The following DSE variants were observed in gnomAD, a reference collection of about 807,000 sequenced individuals.
DSE encodes the protein dermatan sulfate epimerase.
A neutral mutation model predicts 84.4 loss-of-function variants in DSE; 36 were observed. That is an observed-to-expected ratio of 0.43 (90% CI 0.33 to 0.56). The LOEUF (loss-of-function observed/expected upper bound fraction) is 0.56, where lower values mean the gene tolerates loss of function less well. DSE is among the 20% of genes least tolerant of loss of function. The pLI is 0.06. For missense variants in DSE, 862 were observed against 1,169.6 expected (o/e 0.74, Z 3.84); for synonymous variants, 410 against 430.1 (o/e 0.95, Z 0.58).
chr6:116,426,611 G>C lies in DSE; in HGVS notation c.454G>C (p.Ala152Pro), dbSNP rs1252746853. The change falls in exon 3 of 6, where the codon GCT becomes CCT. Residue 152 changes from alanine to proline, a missense_variant. By Grantham distance (27) the Ala-to-Pro change is conservative. This residue lies in a region of DSE where 309 missense variants were observed against 516.9 expected (regional missense o/e 0.60). Transcript: ENST00000644252. ...TGCTCCTTGGGATGAGGTCCCGCTTGCTCACTCCCTGGTTGGTTTTGCCAC... is the reference window on the plus strand; with the variant it reads ...TGCTCCTTGGGATGAGGTCCCGCTTCCTCACTCCCTGGTTGGTTTTGCCAC... ...KDAPWDEVPL[A>P]HSLVGFATAY... 1 of 1,613,950 alleles carries C rather than the reference G, an allele frequency of 6.2e-7. No homozygotes were observed. The highest frequency in any genetic ancestry group is 1.7e-5 in the Admixed American group (1 of 60,014).
chr6:116,370,372 G>A (rs1779448643), upstream of DSE: 1 of 766,490 alleles, frequency 1.3e-6, no homozygotes, highest in South Asian at 5.7e-5. Flanking sequence ...TTCTCTATAG[G>A]TGACCCCCGC....
chr6:116,257,514 G>C (rs1772196440), intron 1 of DSE, among the ~76,000 whole-genome samples: 1 of 152,110 alleles, frequency 6.6e-6, no homozygotes, highest in Non-Finnish European at 1.5e-5. Flanking sequence ...TCAGGCTGTT[G>C]TAACAAAATA....
intron 2 of DSE, among the ~76,000 whole-genome samples, chr6:116,362,481 A>AT (rs1243251165): frequency 2.0e-5 from 3 of 152,216 alleles, no homozygotes; most frequent in African/African-American, 7.2e-5. Flanking sequence ...GTGGTGCCTT[A>AT]TAAGAGGGAG....
chr6:116,409,132 A>C (rs922895274), intron 2 of DSE, among the ~76,000 whole-genome samples: 1 of 152,244 alleles, frequency 6.6e-6, no homozygotes, highest in Non-Finnish European at 1.5e-5. Context: ...GAAACAGTAC[A>C]TAGCATAATG....
chr6:116,277,551 C>T (rs1243289601), intron 2 of DSE: 1 of 152,250 alleles, frequency 6.6e-6, no homozygotes, highest in Non-Finnish European at 1.5e-5. Flanking sequence ...AGAGCTCTAG[C>T]ACTCTATTTT....
At position 116,399,358 on chromosome 6, in the gene DSE, C is replaced by T. The variant is rs747393066; in HGVS notation, c.108C>T (p.Thr36=). The change falls in exon 2 of 6, where the codon ACC becomes ACT. Residue 36 remains threonine, a synonymous_variant. Transcript: ENST00000644252. The part of the protein sequence containing the change: ...DENPEVMIPF[T]NANYDSHPML... ...ACCCAGAAGTTATGATTCCCTTCAC[C>T]AATGCCAACTACGACAGCCATCCCA... The T allele has an allele frequency of 6.2e-7, 1 of 1,614,142 alleles. No homozygotes were observed. The highest frequency in any genetic ancestry group is 1.1e-5 in the South Asian group (1 of 91,078).
chr6:116,361,935 CCTT>C (rs1424338187), intron 2 of DSE, among the ~76,000 whole-genome samples: 5 of 152,164 alleles, frequency 3.3e-5, no homozygotes, highest in African/African-American at 1.2e-4. Flanking sequence ...CTATCATCCT[CCTT>C]CTGATGAAAA....
At chr6:116,374,026 A>G (rs1779771765) in intron 1 of DSE, among the ~76,000 whole-genome samples, 2 of 152,230 alleles carry the variant, frequency 1.3e-5, no homozygotes, top group African/African-American at 2.4e-5. Flanking sequence ...CCAAAAGACT[A>G]GCATTTTGTG....
upstream of DSE, chr6:116,370,392 C>A: frequency 1.1e-6 from 1 of 939,392 alleles, no homozygotes; most frequent in Non-Finnish European, 1.3e-6. Flanking sequence ...CCCCAAAGTC[C>A]CCCCTCCCAC....
At chr6:116,325,154 G>T (rs1776545389) in intron 2 of DSE, among the ~76,000 whole-genome samples, 1 of 152,204 alleles carries the variant, frequency 6.6e-6, no homozygotes, top group Non-Finnish European at 1.5e-5. Flanking sequence ...AGACACCAAA[G>T]CCTCCAAACC....
chr6:116,430,705 C>G (rs1235281782), intron 3 of DSE, among the ~76,000 whole-genome samples: 1 of 152,190 alleles, frequency 6.6e-6, no homozygotes, highest in African/African-American at 2.4e-5. Flanking sequence ...CCACACCCGG[C>G]TAATTTTTTG....
chr6:116,348,343 C>T (rs1230808756), intron 2 of DSE, among the ~76,000 whole-genome samples: 2 of 151,792 alleles, frequency 1.3e-5, no homozygotes, highest in Non-Finnish European at 2.9e-5. Flanking sequence ...AAGAGAATGG[C>T]GTGAACCTGG....
chr6:116,379,707 A>G (rs933788540), intron 1 of DSE, among the ~76,000 whole-genome samples: 4 of 152,190 alleles, frequency 2.6e-5, no homozygotes, highest in Non-Finnish European at 4.4e-5. Flanking sequence ...GATATTCACC[A>G]TTAAAATTTT....
rs1387361327 is a variant in DSE at position 116,371,025 on chromosome 6, G to A, written c.-150G>A. On this transcript the variant is annotated 5_prime_UTR_variant, in exon 1 of 6. Transcript: ENST00000644252. Reference sequence around the variant, plus strand: ...GCGCGGAGGGCTCGGTTCGGAGGGGGCCGGGAGCCCGGGCGCCCTGGAGTG... The same window carrying A: ...GCGCGGAGGGCTCGGTTCGGAGGGGACCGGGAGCCCGGGCGCCCTGGAGTG... 1.1e-5 allele frequency: 11 copies of A among 985,670 alleles called. No homozygotes were observed. In the African/African-American group the frequency reaches 1.6e-4, roughly 14 times the overall value. 61.1% of individuals were successfully genotyped at this position (985,670 alleles called of 1,614,324 possible).
chr6:116,413,534 A>T (rs963590421), intron 2 of DSE, among the ~76,000 whole-genome samples: 3 of 152,198 alleles, frequency 2.0e-5, no homozygotes, highest in African/African-American at 7.2e-5. Flanking sequence ...CAGGCCTGTG[A>T]TTAATGATTA....
chr6:116,356,776 G>A (rs1778596639), intron 2 of DSE, among the ~76,000 whole-genome samples: 1 of 152,064 alleles, frequency 6.6e-6, no homozygotes, highest in Non-Finnish European at 1.5e-5. Flanking sequence ...TCCCTCCCGT[G>A]CTGCTTGTCT....
chr6:116,316,826 C>CTGTTATTAT (rs1554211541), intron 2 of DSE, among the ~76,000 whole-genome samples: 1 of 145,848 alleles, frequency 6.9e-6, no homozygotes, highest in Non-Finnish European at 1.5e-5. Flanking sequence ...ACTACTACTA[C>CTGTTATTAT]TATTATTATT....
At chr6:116,310,018 TATTAGAG>T (rs903735464) in intron 2 of DSE, among the ~76,000 whole-genome samples, 5 of 152,162 alleles carry the variant, frequency 3.3e-5, no homozygotes, top group Non-Finnish European at 5.9e-5. Context: ...TTTTGCCAAC[TATTAGAG>T]TTTACTGAAT....
At chr6:116,342,974 C>A (rs933363271) in intron 2 of DSE, among the ~76,000 whole-genome samples, 1 of 152,188 alleles carries the variant, frequency 6.6e-6, no homozygotes, top group Admixed American at 6.5e-5. Flanking sequence ...ATGGTCTTAG[C>A]AAATGGCACT....
Sources: gnomAD v4.1 joint callset for allele counts (sites outside exome capture counted in the v4.1 genomes callset) on GRCh38, gnomAD v4.1.1 for gene constraint, gnomAD v4.1.1 regional missense constraint, MANE v1.5 for transcripts, NCBI Gene and HGNC (gene_info 2026-07-23, HGNC 2026-07-21) for gene names.